The following FUT9 variants were observed in gnomAD, a reference collection of about 807,000 sequenced individuals.
FUT9 encodes 4-galactosyl-N-acetylglucosaminide 3-alpha-L-fucosyltransferase 9.
Under a neutral mutation model 29.7 loss-of-function variants are expected in FUT9, and 15 were observed. The observed-to-expected ratio is 0.51, with a 90% CI of 0.34 to 0.78. The LOEUF (loss-of-function observed/expected upper bound fraction) is 0.78, where lower values mean the gene tolerates loss of function less well. Ranked by LOEUF, FUT9 falls within the 30% of genes least tolerant of loss-of-function variation. FUT9 has a pLI of 0.01. For missense variants in FUT9, 319 were observed against 425.4 expected, an observed-to-expected ratio of 0.75 and a Z score of 2.20; for synonymous variants, 169 against 153.7, an observed-to-expected ratio of 1.10 and a Z score of -0.74.
chr6:96,117,437 T>C (rs1458723565), intron 2 of FUT9, among the ~76,000 whole-genome samples: 1 of 152,200 alleles, frequency 6.6e-6, no homozygotes, highest in African/African-American at 2.4e-5. Context: ...ATTTATTAGC[T>C]CTATCTACTG....
intron 2 of FUT9, among the ~76,000 whole-genome samples, chr6:96,120,626 C>CTTT (rs1772010554): frequency 1.0e-5 from 1 of 99,366 alleles, no homozygotes; most frequent in African/African-American, 3.9e-5. Flanking sequence ...TTTTTCTGTA[C>CTTT]TAAGACTTTC....
At chr6:96,092,945 A>T (rs907931949) in intron 1 of FUT9, among the ~76,000 whole-genome samples, 1 of 151,886 alleles carries the variant, frequency 6.6e-6, no homozygotes, top group Non-Finnish European at 1.5e-5. Flanking sequence ...ATTTTAAAAA[A>T]ATCATAGAGA....
At chr6:96,194,494 G>A (rs553213120) in intron 2 of FUT9, among the ~76,000 whole-genome samples, 6 of 152,200 alleles carry the variant, frequency 3.9e-5, no homozygotes, top group Middle Eastern at 3.4e-3. Flanking sequence ...ATTTGACCTA[G>A]GGAAATGGAG....
At chr6:96,143,222 T>C (rs1359771453) in intron 2 of FUT9, among the ~76,000 whole-genome samples, 1 of 152,206 alleles carries the variant, frequency 6.6e-6, no homozygotes, top group Non-Finnish European at 1.5e-5. Flanking sequence ...GCCTCACCCC[T>C]TTCTGCCATG....
chr6:96,150,257 C>T (rs1772651270), intron 2 of FUT9, among the ~76,000 whole-genome samples: 1 of 151,948 alleles, frequency 6.6e-6, no homozygotes, highest in Non-Finnish European at 1.5e-5. Context: ...CCAGCTGGAG[C>T]AATTAGGAAT....
At chr6:96,112,955 GAC>G in intron 1 of FUT9, among the ~76,000 whole-genome samples, 1 of 152,134 alleles carries the variant, frequency 6.6e-6, no homozygotes, top group East Asian at 1.9e-4. Flanking sequence ...TATGTTGGCT[GAC>G]ACACATCACC....
In FUT9 at chr6:96,020,174, A is replaced by G. The variant is rs541355409; in HGVS notation, c.-98+3962A>G. Among the ~76,000 whole-genome samples the G allele has an allele frequency of 7.9e-5, 12 of 152,220 alleles. No homozygotes were observed. In the South Asian group the frequency reaches 2.5e-3, roughly 32 times the overall value. On this transcript the variant is annotated intron_variant, in intron 1 of 2. Transcript: ENST00000302103. ...TAAACTGCAACTAGCCCACCTAAAAATCTTTTAACATTTTTGCATAATTTT... is the reference window on the plus strand; with the variant it reads ...TAAACTGCAACTAGCCCACCTAAAAGTCTTTTAACATTTTTGCATAATTTT...
intron 1 of FUT9, among the ~76,000 whole-genome samples, chr6:96,069,634 ATTT>A (rs1562115259): frequency 3.0e-5 from 1 of 32,920 alleles, no homozygotes; most frequent in Admixed American, 3.8e-4. Context: ...TTTATTTTTT[ATTT>A]TATTTTTTTG....
chr6:96,034,234 A>G (rs1770314705), intron 1 of FUT9, among the ~76,000 whole-genome samples: 1 of 151,608 alleles, frequency 6.6e-6, no homozygotes, highest in African/African-American at 2.4e-5. Flanking sequence ...CCAACTTGGG[A>G]AGAGGTAGAG....
At chr6:96,053,700 C>A (rs1217264866) in intron 1 of FUT9, among the ~76,000 whole-genome samples, 2 of 152,094 alleles carry the variant, frequency 1.3e-5, no homozygotes, top group African/African-American at 4.8e-5. Flanking sequence ...CAGAGCGAGA[C>A]TCCATCTCTA....
At chr6:96,120,564 T>C (rs375130662) in intron 2 of FUT9, among the ~76,000 whole-genome samples, 1 of 145,618 alleles carries the variant, frequency 6.9e-6, no homozygotes, top group Admixed American at 7.1e-5. Flanking sequence ...ATTACAGGCG[T>C]GAACCACCGT....
Position 96,064,371 on chromosome 6 carries a change from A to G in FUT9, c.-98+48159A>G, listed in dbSNP as rs117626331. 4.1e-3 allele frequency among the ~76,000 whole-genome samples: 631 copies of G among 152,254 alleles called. 2 individuals are homozygous for G. Among genetic ancestry groups the G allele is most frequent in the Non-Finnish European group, 7.5e-3 (510 of 68,014 alleles). ...ATAGTAATGGATCATGTGGAAAATG[A>G]TGTGTTTTCTTTGAGCATTCATCAC... On this transcript the variant is annotated intron_variant, in intron 1 of 2. Transcript: ENST00000302103.
chr6:96,178,779 A>G (rs1773251534), intron 2 of FUT9, among the ~76,000 whole-genome samples: 1 of 152,116 alleles, frequency 6.6e-6, no homozygotes, highest in Non-Finnish European at 1.5e-5. Context: ...TTCTTTACCT[A>G]TCATTATGTT....
intron 2 of FUT9, among the ~76,000 whole-genome samples, chr6:96,166,275 T>G (rs939481719): frequency 2.0e-5 from 3 of 152,224 alleles, no homozygotes; most frequent in African/African-American, 7.2e-5. Context: ...AATATGATAA[T>G]GTAATGTTAG....
intron 1 of FUT9, among the ~76,000 whole-genome samples, chr6:96,069,755 C>T (rs186398548): frequency 1.2e-3 from 183 of 152,052 alleles, no homozygotes; most frequent in African/African-American, 4.2e-3. Flanking sequence ...CCTCAGCCTC[C>T]CTAGTAGCCG....
intron 2 of FUT9, among the ~76,000 whole-genome samples, chr6:96,176,128 T>G (rs1773198965): frequency 6.6e-6 from 1 of 152,154 alleles, no homozygotes; most frequent in African/African-American, 2.4e-5. Context: ...CCTTCAGCCT[T>G]GGACCGAGAG....
At chr6:96,018,995 G>A (rs1440303576) in intron 1 of FUT9, among the ~76,000 whole-genome samples, 4 of 151,610 alleles carry the variant, frequency 2.6e-5, no homozygotes, top group Non-Finnish European at 4.4e-5. Context: ...TTGGTATTTG[G>A]AATAGCAATT....
At chr6:96,085,560 A>G (rs570782270) in intron 1 of FUT9, among the ~76,000 whole-genome samples, 31 of 152,274 alleles carry the variant, frequency 2.0e-4, no homozygotes, top group African/African-American at 7.2e-4. Flanking sequence ...ATGGCAAAAT[A>G]TAAGTTCCCT....
At chr6:96,164,047 A>G (rs1332048060) in intron 2 of FUT9, among the ~76,000 whole-genome samples, 1 of 152,132 alleles carries the variant, frequency 6.6e-6, no homozygotes, top group African/African-American at 2.4e-5. Flanking sequence ...GACATATGAC[A>G]TCAATCAATA....
Sources: allele counts gnomAD v4.1 joint callset (sites outside exome capture counted in the v4.1 genomes callset), GRCh38; gene constraint gnomAD v4.1.1; transcripts MANE v1.5; gene names NCBI Gene and HGNC (gene_info 2026-07-23, HGNC 2026-07-21).